Variants in UBE2G1 observed in about 807,000 individuals in gnomAD.
UBE2G1 encodes the protein ubiquitin-conjugating enzyme E2 G1.
A neutral mutation model predicts 22.7 loss-of-function variants in UBE2G1; 5 were observed. The observed-to-expected ratio is 0.22, with a 90% CI of 0.12 to 0.46. The LOEUF (loss-of-function observed/expected upper bound fraction) is 0.46. Ranked by LOEUF, UBE2G1 falls within the 20% of genes least tolerant of loss-of-function variation. The pLI, the probability that UBE2G1 is intolerant of heterozygous loss-of-function variation, is 0.99. For synonymous variants in UBE2G1, 74 were observed against 67.5 expected, an observed-to-expected ratio of 1.10 and a Z score of -0.47; for missense variants, 88 against 203.9, an observed-to-expected ratio of 0.43 and a Z score of 3.46.
At chr17:4,363,856 G>A (rs1309456347) in intron 1 of UBE2G1, among the ~76,000 whole-genome samples, 1 of 149,920 alleles carries the variant, frequency 6.7e-6, no homozygotes, top group Non-Finnish European at 1.5e-5. Flanking sequence ...GGAAGCTCAG[G>A]CAGGGGAATG....
At chr17:4,284,843 T>G (rs2875769) in intron 4 of UBE2G1, among the ~76,000 whole-genome samples, 1 of 40,476 alleles carries the variant, frequency 2.5e-5, no homozygotes, top group Admixed American at 2.9e-4. Flanking sequence ...TCTTTCTTTT[T>G]TTTTTTTTTT....
rs1165120408 is a variant in UBE2G1 at position 4,307,070 on chromosome 17, C to A, written c.100G>T (p.Asp34Tyr). Residue 34 changes from aspartate to tyrosine, a missense_variant, in exon 2 of 6, where the codon GAT becomes TAT. This residue lies in a region of UBE2G1 where 50 missense variants were observed against 71.0 expected (regional missense o/e 0.70). Coordinates refer to ENST00000396981, the MANE Select transcript of UBE2G1 (RefSeq NM_003342.5). ...ATAAGGACTTCCCATCGGTAGAGAT[C>A]ATTGTCATCTATTAAACCTGCAGAA... ...GFSAGLIDDN[D>Y]LYRWEVLIIG... is the part of the protein sequence containing the mutation. 1 of 1,614,082 alleles carries A rather than the reference C, an allele frequency of 6.2e-7. No individual in the cohort carries two copies. Among genetic ancestry groups the A allele is most frequent in the Admixed American group, 1.7e-5 (1 of 60,010 alleles).
At chr17:4,332,438 T>G (rs185496033) in intron 1 of UBE2G1, among the ~76,000 whole-genome samples, 1 of 152,196 alleles carries the variant, frequency 6.6e-6, no homozygotes, top group African/African-American at 2.4e-5. Context: ...ACCTTCCCTA[T>G]TGTATCTACT....
chr17:4,294,470 A>G (rs1011470358), intron 3 of UBE2G1, among the ~76,000 whole-genome samples: 8 of 151,612 alleles, frequency 5.3e-5, no homozygotes, highest in African/African-American at 1.9e-4. Context: ...GAAAAGAAAA[A>G]AAAGTCTCTT....
In UBE2G1 at chr17:4,279,185, T is replaced by C. The variant is rs566727678; in HGVS notation, c.*37+3613A>G. On this transcript the variant is annotated intron_variant, in intron 5 of 5. Transcript: ENST00000396981. ...AGCTACTTGGGAGGCTGAGGCAGGA[T>C]AATTGCTTGAACCTGGGAGGCGGAG... Among the ~76,000 whole-genome samples, 207 of 150,490 alleles carry C rather than the reference T, an allele frequency of 1.4e-3. 1 individual carries two copies. The highest frequency in any genetic ancestry group is 4.7e-3 in the African/African-American group (193 of 40,878).
At chr17:4,365,459 C>T (rs1970021946) in intron 1 of UBE2G1, among the ~76,000 whole-genome samples, 2 of 152,218 alleles carry the variant, frequency 1.3e-5, no homozygotes, top group Admixed American at 1.3e-4. Flanking sequence ...AGGGGGGCCG[C>T]AGGCTCCTCG....
At position 4,274,734 on chromosome 17, in the gene UBE2G1, T is replaced by C. The variant is rs961139627; in HGVS notation, c.*38-2218A>G. Among the ~76,000 whole-genome samples, 3 of 152,070 alleles carry C rather than the reference T, an allele frequency of 2.0e-5. No individual in the cohort carries two copies. The East Asian group carries it at 5.8e-4, about 29-fold the overall frequency. ...CACGTATGCACATACATATTTTTAT[T>C]AGAAAATCAAAAGACATACACTGAA... On this transcript the variant is annotated intron_variant, in intron 5 of 5. Transcript: ENST00000396981.
chr17:4,275,838 C>G (rs1390928706), intron 5 of UBE2G1, among the ~76,000 whole-genome samples: 1 of 152,206 alleles, frequency 6.6e-6, no homozygotes, highest in African/African-American at 2.4e-5. Context: ...CAGTGTACTC[C>G]TGCTCCGTCA....
rs1466511618 is a variant in UBE2G1, at chr17:4,269,482, AAAG to A, written c.*3069_*3071del. 1 of 184,882 alleles carries A rather than the reference AAAG, an allele frequency of 5.4e-6. No individual in the cohort carries two copies. Among genetic ancestry groups the A allele is most frequent in the Non-Finnish European group, 1.1e-5 (1 of 87,988 alleles). The allele number at this position is 184,882 out of a possible 1,614,324, so 11.5% of individuals were successfully genotyped here. On this transcript the variant is annotated 3_prime_UTR_variant, in exon 6 of 6. Transcript: ENST00000396981. ...TCCACCAACTGGAGACCAGACGGGC[AAAG>A]ATACACAGGCACCACAGCCCAAAGC...
At chr17:4,350,115 T>C (rs558399596) in intron 1 of UBE2G1, among the ~76,000 whole-genome samples, 2 of 152,214 alleles carry the variant, frequency 1.3e-5, no homozygotes, top group South Asian at 2.1e-4. Context: ...AATCTTCTTA[T>C]ATACAAATGA....
chr17:4,283,022 A>C (rs1968913139), intron 4 of UBE2G1, 101 bp from the exon 5 acceptor site: 2 of 989,704 alleles, frequency 2.0e-6, no homozygotes, highest in Non-Finnish European at 3.0e-6. Context: ...GGTGATTTGT[A>C]CACTTCAGAA....
chr17:4,300,646 G>C (rs1489111828), intron 2 of UBE2G1, among the ~76,000 whole-genome samples: 3 of 151,630 alleles, frequency 2.0e-5, no homozygotes, highest in Admixed American at 1.3e-4. Context: ...AGATGCTATA[G>C]TATAAGTACT....
chr17:4,353,443 T>A (rs1260923624), intron 1 of UBE2G1, among the ~76,000 whole-genome samples: 1 of 143,230 alleles, frequency 7.0e-6, no homozygotes, highest in Non-Finnish European at 1.5e-5. Context: ...ATATAGAGTT[T>A]CGTTGATATA....
intron 2 of UBE2G1, among the ~76,000 whole-genome samples, chr17:4,303,275 T>C (rs2143724458): frequency 6.6e-6 from 1 of 152,338 alleles, no homozygotes; most frequent in African/African-American, 2.4e-5. Context: ...ACACAAATTA[T>C]AGTACAAACA....
chr17:4,334,667 G>A (rs999722469), intron 1 of UBE2G1, among the ~76,000 whole-genome samples: 3 of 152,064 alleles, frequency 2.0e-5, no homozygotes, highest in African/African-American at 7.2e-5. Context: ...AGCCTCCCGA[G>A]TAGCTAGGAT....
At chr17:4,305,644 C>G (rs1262626768) in intron 2 of UBE2G1, among the ~76,000 whole-genome samples, 1 of 152,184 alleles carries the variant, frequency 6.6e-6, no homozygotes, top group Non-Finnish European at 1.5e-5. Context: ...CGGATTCAAG[C>G]GATTCTCCTG....
At chr17:4,355,044 A>T (rs1597266949) in intron 1 of UBE2G1, among the ~76,000 whole-genome samples, 1 of 152,154 alleles carries the variant, frequency 6.6e-6, no homozygotes, top group East Asian at 1.9e-4. Context: ...GCGGGCCTTG[A>T]TGTTGCCACT....
At chr17:4,280,512 A>T (rs1968875712) in intron 5 of UBE2G1, among the ~76,000 whole-genome samples, 1 of 150,306 alleles carries the variant, frequency 6.7e-6, no homozygotes, top group Non-Finnish European at 1.5e-5. Flanking sequence ...ACACCTTGGT[A>T]ATTTTTATAT....
intron 4 of UBE2G1, among the ~76,000 whole-genome samples, chr17:4,285,667 A>G (rs1027745789): frequency 6.6e-6 from 1 of 152,142 alleles, no homozygotes; most frequent in Non-Finnish European, 1.5e-5. Flanking sequence ...CTGGGGCCAA[A>G]GCGGCCGGGC....
Sources: gnomAD v4.1 joint callset for allele counts (sites outside exome capture counted in the v4.1 genomes callset) on GRCh38, gnomAD v4.1.1 for gene constraint, gnomAD v4.1.1 regional missense constraint, MANE v1.5 for transcripts, NCBI Gene and HGNC (gene_info 2026-07-23, HGNC 2026-07-21) for gene names.